Variants in SAP30L observed in about 807,000 individuals in gnomAD.
SAP30L encodes SAP30 like, also known as histone deacetylase complex subunit SAP30L.
In SAP30L, 10 loss-of-function variants were observed where a neutral mutation model predicts 22.3. That is an observed-to-expected ratio of 0.45 (90% CI 0.28 to 0.76). The LOEUF (loss-of-function observed/expected upper bound fraction) is 0.76. Ranked by LOEUF, SAP30L falls within the 30% of genes least tolerant of loss-of-function variation. The pLI, the probability that SAP30L is intolerant of heterozygous loss-of-function variation, is 0.14. For synonymous variants in SAP30L, 91 were observed against 94.1 expected (o/e 0.97, Z 0.19); for missense variants, 206 against 237.9 (o/e 0.87, Z 0.88).
At chr5:154,454,611 G>A (rs377529963) in intron 3 of SAP30L, among the ~76,000 whole-genome samples, 1 of 152,010 alleles carries the variant, frequency 6.6e-6, no homozygotes, top group Non-Finnish European at 1.5e-5. Context: ...TTGCTCGACC[G>A]TCACTTTTTC....
At chr5:154,453,079 C>T in intron 2 of SAP30L, 1 of 229,082 alleles carries the variant, frequency 4.4e-6, no homozygotes, top group Admixed American at 5.2e-5. Context: ...CCATCTGTGC[C>T]TCTCCCAGCT....
intron 1 of SAP30L, among the ~76,000 whole-genome samples, chr5:154,449,649 T>C (rs1411021158): frequency 6.6e-6 from 1 of 152,206 alleles, no homozygotes; most frequent in African/African-American, 2.4e-5. Flanking sequence ...TGTTGTGCTT[T>C]CTTCCTGGAG....
Position 154,459,607 on chromosome 5 carries a change from C to T in SAP30L, c.*3579C>T, listed in dbSNP as rs1452374384. 1.3e-5 allele frequency: 2 copies of T among 152,306 alleles called. No homozygotes were observed. Among genetic ancestry groups the T allele is most frequent in the Non-Finnish European group, 2.9e-5 (2 of 68,180 alleles). The allele number at this position is 152,306 out of a possible 1,614,324, so 9.4% of individuals were successfully genotyped here. Reference sequence around the variant, plus strand: ...CCTTGTTGGAGAATGTTGAGAAAACCCTACTGGCTGGCTTGTTTCTGCCAA... The same window carrying T: ...CCTTGTTGGAGAATGTTGAGAAAACTCTACTGGCTGGCTTGTTTCTGCCAA... On this transcript the variant is annotated 3_prime_UTR_variant, in exon 4 of 4. Coordinates refer to ENST00000297109, the MANE Select transcript of SAP30L (RefSeq NM_024632.6).
At chr5:154,452,538 T>G in intron 2 of SAP30L, 1 of 931,834 alleles carries the variant, frequency 1.1e-6, no homozygotes, top group Non-Finnish European at 1.3e-6. Flanking sequence ...CAATTTTTCA[T>G]GACTATGCAG....
At chr5:154,455,556 G>A (rs1757246604) in intron 3 of SAP30L, among the ~76,000 whole-genome samples, 1 of 152,226 alleles carries the variant, frequency 6.6e-6, no homozygotes, top group Admixed American at 6.5e-5. Context: ...GGCCTGAGAG[G>A]TTTGGTAGCA....
intron 3 of SAP30L, among the ~76,000 whole-genome samples, chr5:154,454,109 T>C (rs949834307): frequency 1.4e-4 from 21 of 152,260 alleles, no homozygotes; most frequent in Admixed American, 3.9e-4. Flanking sequence ...TGAGCCACTG[T>C]GCCTGGCTTA....
chr5:154,458,348 T>C lies in SAP30L; in HGVS notation c.*2320T>C, dbSNP rs2351482. On this transcript the variant is annotated 3_prime_UTR_variant, in exon 4 of 4. Coordinates refer to ENST00000297109, the MANE Select transcript of SAP30L (RefSeq NM_024632.6). ...TATGTTTTTCTTATGTCCAGAAATC[T>C]GTTCTTTCATCAAACCACTAAACCA... The C allele has an allele frequency of 0.83, 126,198 of 152,190 alleles. 52,681 individuals carry two copies. The highest frequency in any genetic ancestry group is 0.9 in the African/African-American group (37,547 of 41,534). 9.4% of individuals were successfully genotyped at this position (152,190 alleles called of 1,614,324 possible).
At chr5:154,447,979 T>TC (rs1561699909) in intron 1 of SAP30L, among the ~76,000 whole-genome samples, 14 of 137,586 alleles carry the variant, frequency 1.0e-4, no homozygotes, top group Non-Finnish European at 6.3e-5. Flanking sequence ...CTTTTTTTTT[T>TC]TTTTTTTTTT....
At chr5:154,451,276 C>G in intron 2 of SAP30L, 63 bp downstream of exon 2, 1 of 1,533,588 alleles carries the variant, frequency 6.5e-7, no homozygotes, top group Non-Finnish European at 8.8e-7. Flanking sequence ...ATTCTCACCT[C>G]TGGCCTGGTC....
chr5:154,459,018 T>C lies in SAP30L; in HGVS notation c.*2990T>C, dbSNP rs914405238. On this transcript the variant is annotated 3_prime_UTR_variant, in exon 4 of 4. Coordinates refer to ENST00000297109, the MANE Select transcript of SAP30L (RefSeq NM_024632.6). ...TAACAATTGTTTGCAGCTGCAGTGT[T>C]GCATCTAATTTTGGTGTTTAGGCTT... is the stretch of plus-strand genomic sequence containing the variant. 6 of 152,254 alleles carry C rather than the reference T, an allele frequency of 3.9e-5. No homozygotes were observed. The East Asian group carries it at 1.2e-3, about 29-fold the overall frequency. 9.4% of individuals were successfully genotyped at this position (152,254 alleles called of 1,614,324 possible).
In SAP30L at chr5:154,456,238, AAAAT is replaced by A; in HGVS notation, c.*211_*214del. 3 of 393,018 alleles carry A rather than the reference AAAAT, an allele frequency of 7.6e-6. No homozygotes were observed. Among genetic ancestry groups the A allele is most frequent in the Non-Finnish European group, 1.3e-5 (3 of 223,458 alleles). 24.3% of individuals were successfully genotyped at this position (393,018 alleles called of 1,614,324 possible). ...TCTTTTACGATAACTCTGGACTAAAAAAATCAGGATCATTAAAAGAATTAAAAAC... is the reference window on the plus strand; with the variant it reads ...TCTTTTACGATAACTCTGGACTAAAACAGGATCATTAAAAGAATTAAAAAC... On this transcript the variant is annotated 3_prime_UTR_variant, in exon 4 of 4. Transcript: ENST00000297109.
intron 3 of SAP30L, among the ~76,000 whole-genome samples, chr5:154,454,991 C>T (rs1433493955): frequency 6.6e-6 from 1 of 151,848 alleles, no homozygotes; most frequent in African/African-American, 2.4e-5. Context: ...ATGATCTCAG[C>T]TCACCACAGC....
At chr5:154,453,534 AGC>A in intron 3 of SAP30L, 34 bp downstream of exon 3, 2 of 1,358,210 alleles carry the variant, frequency 1.5e-6, no homozygotes, top group Non-Finnish European at 2.1e-6. Context: ...AAAGAGAGCC[AGC>A]ATTGTGCTGC....
intron 2 of SAP30L, chr5:154,453,139 A>T (rs1757186637): frequency 8.3e-6 from 3 of 362,444 alleles, no homozygotes. Flanking sequence ...TCAGTGCTTT[A>T]TCAGACCCTG....
chr5:154,453,299 C>G, intron 2 of SAP30L, 103 bp from the exon 3 acceptor site: 3 of 772,468 alleles, frequency 3.9e-6, no homozygotes, highest in Non-Finnish European at 6.6e-6. Flanking sequence ...GAAGCCCTCC[C>G]CATCCTCACC....
intron 2 of SAP30L, 58 bp downstream of exon 2, chr5:154,451,271 C>T: frequency 6.4e-7 from 1 of 1,557,802 alleles, no homozygotes; most frequent in Non-Finnish European, 8.7e-7. Flanking sequence ...ATCTGATTCT[C>T]ACCTCTGGCC....
At chr5:154,447,230 G>A (rs1348618190) in intron 1 of SAP30L, among the ~76,000 whole-genome samples, 3 of 152,246 alleles carry the variant, frequency 2.0e-5, no homozygotes, top group Non-Finnish European at 4.4e-5. Context: ...AAAGGTGGCA[G>A]TTACTTCCCT....
chr5:154,446,971 C>T (rs957921069), intron 1 of SAP30L, among the ~76,000 whole-genome samples, 166 bp downstream of exon 1: 2 of 152,252 alleles, frequency 1.3e-5, no homozygotes, highest in African/African-American at 4.8e-5. Flanking sequence ...CCAGCGCTGA[C>T]ATGCTCTGAC....
chr5:154,459,875 T>G lies in SAP30L; in HGVS notation c.*3847T>G, dbSNP rs1757338144. 6.6e-6 allele frequency: 1 copy of G among 152,204 alleles called. No individual in the cohort carries two copies. The highest frequency in any genetic ancestry group is 2.4e-5 in the African/African-American group (1 of 41,450). The allele number at this position is 152,204 out of a possible 1,614,324, so 9.4% of individuals were successfully genotyped here. A position where few individuals can be genotyped will look rare whatever the true frequency, so the allele number is the denominator to read the frequency against. On this transcript the variant is annotated 3_prime_UTR_variant, in exon 4 of 4. Coordinates refer to ENST00000297109, the MANE Select transcript of SAP30L (RefSeq NM_024632.6). ...CTGTTTTTGCTGAGAAAACAACGCTTCAGGACTTAAGGTCTAAGCGTCAGA... is the reference window on the plus strand; with the variant it reads ...CTGTTTTTGCTGAGAAAACAACGCTGCAGGACTTAAGGTCTAAGCGTCAGA...
Sources: allele counts gnomAD v4.1 joint callset (sites outside exome capture counted in the v4.1 genomes callset), GRCh38; gene constraint gnomAD v4.1.1; transcripts MANE v1.5; gene names NCBI Gene and HGNC (gene_info 2026-07-23, HGNC 2026-07-21).